LNX1: variants seen among roughly 807,000 people sequenced by gnomAD.
LNX1 encodes the protein E3 ubiquitin-protein ligase LNX.
LNX1 carries 54 observed loss-of-function variants against 68.4 expected under a neutral mutation model. The ratio of observed to expected loss-of-function variants is 0.79; its 90% CI spans 0.63 to 0.99. The LOEUF (loss-of-function observed/expected upper bound fraction) is 0.99. LNX1 is among the 50% of genes least tolerant of loss of function. LNX1 has a pLI of 0.00. For missense variants in LNX1, 906 were observed against 926.4 expected (o/e 0.98, Z 0.29); for synonymous variants, 336 against 350.0 (o/e 0.96, Z 0.45).
chr4:53,494,873 C>T (rs1343816692), intron 6 of LNX1, among the ~76,000 whole-genome samples: 1 of 152,194 alleles, frequency 6.6e-6, no homozygotes. Context: ...ACTATCAGAA[C>T]ATTATACCGG....
chr4:53,459,804 A>G lies in LNX1; in HGVS notation c.*1103T>C. The G allele has an allele frequency of 3.2e-6, 1 of 308,424 alleles. No homozygotes were observed. 19.1% of individuals were successfully genotyped at this position (308,424 alleles called of 1,614,324 possible). On this transcript the variant is annotated 3_prime_UTR_variant, in exon 11 of 11. Transcript: ENST00000263925. ...ACAGTTTTTTTGTTAATCAAACACC[A>G]CTCTCTTAAGAGGCTGCATCACAAA...
chr4:53,620,671 G>C (rs1733838101), upstream of LNX1, among the ~76,000 whole-genome samples: 1 of 151,952 alleles, frequency 6.6e-6, no homozygotes, highest in African/African-American at 2.4e-5. Flanking sequence ...CAGTGTAGCA[G>C]AATTGCACTT....
chr4:53,541,319 A>G (rs188523305), intron 2 of LNX1, among the ~76,000 whole-genome samples: 1 of 152,276 alleles, frequency 6.6e-6, no homozygotes, highest in East Asian at 1.9e-4. Context: ...TGGCAAGATC[A>G]TGTCAAAAAA....
chr4:53,537,615 A>C (rs959177881), intron 2 of LNX1, among the ~76,000 whole-genome samples: 13 of 152,218 alleles, frequency 8.5e-5, no homozygotes, highest in African/African-American at 3.1e-4. Context: ...TTTGCATCAA[A>C]CACAGGGCTC....
At chr4:53,610,037 T>C (rs1733417565) in intron 2 of LNX1, among the ~76,000 whole-genome samples, 2 of 151,818 alleles carry the variant, frequency 1.3e-5, no homozygotes, top group Admixed American at 1.3e-4. Context: ...TTCTCTAAAG[T>C]CTTTACTTTT....
intron 1 of LNX1, among the ~76,000 whole-genome samples, chr4:53,574,688 C>T (rs556984818): frequency 4.1e-4 from 63 of 152,290 alleles, no homozygotes; most frequent in African/African-American, 1.5e-3. Context: ...TGCCTGGGTT[C>T]AAATCCCACC....
chr4:53,650,543 G>A (rs377046541), intron 1 of LNX1, among the ~76,000 whole-genome samples: 11 of 152,306 alleles, frequency 7.2e-5, no homozygotes, highest in Admixed American at 4.6e-4. Flanking sequence ...GGAATTGGAA[G>A]TATGAATTTA....
intron 7 of LNX1, among the ~76,000 whole-genome samples, chr4:53,479,505 C>A (rs561057737): frequency 4.9e-4 from 74 of 152,274 alleles, no homozygotes; most frequent in African/African-American, 1.8e-3. Flanking sequence ...TGTCCATGAC[C>A]ATTTCCTTTC....
chr4:53,535,039 G>C (rs951761403), intron 2 of LNX1, among the ~76,000 whole-genome samples: 4 of 152,220 alleles, frequency 2.6e-5, no homozygotes, highest in African/African-American at 9.6e-5. Context: ...GATGGGAGAT[G>C]TTTGTCATTT....
chr4:53,475,985 T>A (rs999811175), intron 9 of LNX1, among the ~76,000 whole-genome samples: 1 of 152,160 alleles, frequency 6.6e-6, no homozygotes, highest in South Asian at 2.1e-4. Flanking sequence ...TTGTTTTATG[T>A]GCAGCCAAGG....
intron 6 of LNX1, among the ~76,000 whole-genome samples, chr4:53,485,813 GA>G (rs1724254343): frequency 6.6e-6 from 1 of 152,150 alleles, no homozygotes; most frequent in South Asian, 2.1e-4. Flanking sequence ...GAGTATAGGG[GA>G]GACACAGAAA....
chr4:53,606,197 A>T (rs1733225770), intron 2 of LNX1, among the ~76,000 whole-genome samples: 1 of 148,214 alleles, frequency 6.7e-6, no homozygotes, highest in Non-Finnish European at 1.5e-5. Context: ...TAGACTAATA[A>T]AGAAAAAAAG....
At position 53,600,351 on chromosome 4, in the gene LNX1, C is replaced by T. The variant is rs1732946259; in HGVS notation, c.-214-8836G>A. ...GGAATGGAGTGGGAAAGGCAAAAGC[C>T]AGAGGAGAATTGTTTTGCTGGCCTA... On this transcript the variant is annotated intron_variant, in intron 2 of 3. Transcript: ENST00000504299. Among the ~76,000 whole-genome samples the T allele has an allele frequency of 2.0e-5, 3 of 152,148 alleles. No homozygotes were observed. In the South Asian group the frequency reaches 6.3e-4, roughly 32 times the overall value.
intron 2 of LNX1, among the ~76,000 whole-genome samples, chr4:53,559,461 C>G (rs549899505): frequency 6.6e-6 from 1 of 152,264 alleles, no homozygotes; most frequent in East Asian, 1.9e-4. Context: ...GGTTAGAGTT[C>G]TAGCTCTGCT....
At chr4:53,467,092 C>G (rs1231771237) in intron 9 of LNX1, among the ~76,000 whole-genome samples, 1 of 152,156 alleles carries the variant, frequency 6.6e-6, no homozygotes, top group African/African-American at 2.4e-5. Context: ...GAGGCACCCC[C>G]CAGTAGGGGC....
chr4:53,572,378 C>T (rs996776564), intron 2 of LNX1, among the ~76,000 whole-genome samples: 4 of 152,178 alleles, frequency 2.6e-5, no homozygotes, highest in East Asian at 1.9e-4. Flanking sequence ...TCTGGCTGAA[C>T]GTCTTGGGGA....
At chr4:53,556,272 A>T (rs727943) in intron 2 of LNX1, among the ~76,000 whole-genome samples, 16 of 151,990 alleles carry the variant, frequency 1.1e-4, no homozygotes, top group African/African-American at 3.4e-4. Flanking sequence ...CACCTGCAGC[A>T]CCCCCCTCCA....
chr4:53,511,014 G>A (rs73250970), intron 2 of LNX1, among the ~76,000 whole-genome samples: 3,721 of 152,312 alleles, frequency 0.024, 64 homozygotes, highest in Non-Finnish European at 0.036. Flanking sequence ...CTAAAGATAA[G>A]TTTTTGAGTC....
chr4:53,573,672 A>C lies in LNX1; in HGVS notation c.331T>G (p.Cys111Gly). ...LLVTCPFREH[C>G]TQVLQRCDLE... is the part of the protein sequence containing the mutation. ...TCACAGCGCTGCAACACCTGGGTGC[A>C]GTGCTCCCTGAATGGGCAGGTCACC... The change falls in exon 2 of 11, where the codon TGC becomes GGC. Residue 111 changes from cysteine to glycine, a missense_variant. Coordinates refer to ENST00000263925, the MANE Select transcript of LNX1 (RefSeq NM_001126328.3). 1.9e-6 allele frequency: 3 copies of C among 1,608,298 alleles called. No individual in the cohort carries two copies. Among genetic ancestry groups the C allele is most frequent in the Non-Finnish European group, 2.5e-6 (3 of 1,177,508 alleles).
Sources: gnomAD v4.1 joint callset for allele counts (sites outside exome capture counted in the v4.1 genomes callset) on GRCh38, gnomAD v4.1.1 for gene constraint, MANE v1.5 for transcripts, NCBI Gene and HGNC (gene_info 2026-07-23, HGNC 2026-07-21) for gene names.